Variants in GOLGA6L7 observed in about 807,000 individuals in gnomAD.
The protein encoded by GOLGA6L7 is golgin A6 family like 7.
GOLGA6L7 carries 29 observed loss-of-function variants against 68.9 expected under a neutral mutation model. That is an observed-to-expected ratio of 0.42 (90% CI 0.31 to 0.57). The LOEUF is 0.57. GOLGA6L7 is among the 20% of genes least tolerant of loss of function. The pLI is 0.13. For synonymous variants in GOLGA6L7, 133 were observed against 197.4 expected, an observed-to-expected ratio of 0.67 and a Z score of 2.73; for missense variants, 396 against 588.4, an observed-to-expected ratio of 0.67 and a Z score of 3.38.
chr15:28,847,546 A>G (rs1271502815), intron 1 of GOLGA6L7, among the ~76,000 whole-genome samples: 7 of 152,238 alleles, frequency 4.6e-5, no homozygotes, highest in Non-Finnish European at 8.8e-5. Flanking sequence ...CTCAGGGCAG[A>G]AGGCAGCCTT....
intron 3 of GOLGA6L7, 61 bp from the exon 4 acceptor site, chr15:28,846,011 G>A (rs2141055007): frequency 2.2e-6 from 2 of 906,614 alleles, no homozygotes; most frequent in South Asian, 1.4e-5. Context: ...GGCACAGCAA[G>A]AGACATGCCC....
intron 8 of GOLGA6L7, 55 bp from the exon 9 acceptor site, chr15:28,843,495 C>T (rs1286651567): frequency 2.6e-5 from 12 of 466,644 alleles, no homozygotes; most frequent in Middle Eastern, 3.3e-4. Context: ...TATAAAATAA[C>T]GGTTTTCGTC....
chr15:28,844,430 C>CTT (rs3062970), intron 6 of GOLGA6L7, among the ~76,000 whole-genome samples, 167 bp from the exon 7 acceptor site: 15,153 of 128,578 alleles, frequency 0.12, 1,225 homozygotes, highest in African/African-American at 0.18. Flanking sequence ...TTTTTCTTTT[C>CTT]TTTTTTTTTT....
intron 1 of GOLGA6L7, among the ~76,000 whole-genome samples, chr15:28,847,683 C>T (rs371212867): frequency 2.0e-5 from 3 of 152,378 alleles, no homozygotes; most frequent in East Asian, 3.9e-4. Flanking sequence ...GTGTCTCCCA[C>T]GAGAATCAAG....
intron 6 of GOLGA6L7, chr15:28,845,143 CA>C: frequency 5.1e-6 from 2 of 393,414 alleles, no homozygotes; most frequent in South Asian, 4.2e-5. Flanking sequence ...CACACACACA[CA>C]CACACACACA....
intron 1 of GOLGA6L7, among the ~76,000 whole-genome samples, chr15:28,847,935 G>A (rs1170443362): frequency 3.3e-5 from 5 of 152,366 alleles, no homozygotes; most frequent in South Asian, 2.1e-4. Context: ...TCTCTGGAGA[G>A]TAGAAGCCTG....
chr15:28,845,193 A>G (rs2030378360), intron 6 of GOLGA6L7: 1 of 447,672 alleles, frequency 2.2e-6, no homozygotes, highest in African/African-American at 2.0e-5. Flanking sequence ...CTCTACACAA[A>G]TGGTAACATA....
chr15:28,843,985 G>A, intron 7 of GOLGA6L7, 110 bp from the exon 8 acceptor site: 1 of 613,958 alleles, frequency 1.6e-6, no homozygotes, highest in Non-Finnish European at 2.8e-6. Flanking sequence ...CACTGGAAGG[G>A]ACCCCAGGAA....
intron 1 of GOLGA6L7, among the ~76,000 whole-genome samples, chr15:28,847,903 C>T (rs985254696): frequency 2.9e-4 from 44 of 152,234 alleles, no homozygotes; most frequent in African/African-American, 1.1e-3. Flanking sequence ...AAGTGGAGAA[C>T]TTAGAAAAAA....
chr15:28,842,891 A>ACATCTGCTCCTCCTGCTTTCG lies in GOLGA6L7; in HGVS notation c.1192_1212dup (p.Arg398_Met404dup). The ACATCTGCTCCTCCTGCTTTCG allele has an allele frequency of 4.0e-6, 4 of 993,628 alleles. No individual in the cohort carries two copies. The highest frequency in any genetic ancestry group is 5.5e-5 in the East Asian group (1 of 18,304). The allele number at this position is 993,628 out of a possible 1,614,324, so 61.6% of individuals were successfully genotyped here. On this transcript the variant is annotated inframe_insertion, in exon 9 of 9. Transcript: ENST00000567390. ...TCCCCCATCTGCTCCTCCTGCTTCC[A>ACATCTGCTCCTCCTGCTTTCG]CATCTGCTCCTCCTGCTTTCGCATC... is the stretch of plus-strand genomic sequence containing the variant.
intron 7 of GOLGA6L7, 66 bp downstream of exon 7, chr15:28,844,139 C>A: frequency 2.0e-6 from 1 of 496,058 alleles, no homozygotes; most frequent in South Asian, 3.6e-5. Context: ...CTGTACCCCC[C>A]ACCTCCCAGC....
Position 28,843,867 on chromosome 15 carries a change from T to C in GOLGA6L7, c.530A>G (p.Asn177Ser), listed in dbSNP as rs1430282242. The C allele has an allele frequency of 7.2e-6, 8 of 1,118,606 alleles. No individual in the cohort carries two copies. Among genetic ancestry groups the C allele is most frequent in the Non-Finnish European group, 9.1e-6 (7 of 766,356 alleles). The allele number at this position is 1,118,606 out of a possible 1,614,324, so 69.3% of individuals were successfully genotyped here. The change falls in exon 8 of 9, where the codon AAT becomes AGT. Residue 177 changes from asparagine (N) to serine (S), a missense_variant. Coordinates refer to ENST00000567390, the MANE Select transcript of GOLGA6L7 (RefSeq NM_001365371.2). ...SLELFRNIIT[N>S]KELKEKNAEL... ...GGCATTTTTCTCCTTCAGCTCCTTATTGGTTATGCTATGGCCGGAGGCAGT... is the reference window on the plus strand; with the variant it reads ...GGCATTTTTCTCCTTCAGCTCCTTACTGGTTATGCTATGGCCGGAGGCAGT...
intron 1 of GOLGA6L7, among the ~76,000 whole-genome samples, chr15:28,848,178 G>T (rs1200564501): frequency 1.3e-5 from 2 of 151,996 alleles, no homozygotes; most frequent in Admixed American, 6.5e-5. Context: ...AGGTGCTGGG[G>T]CATCCGGTTC....
intron 6 of GOLGA6L7, chr15:28,845,139 C>T (rs1397788164): frequency 2.6e-6 from 1 of 382,626 alleles, no homozygotes; most frequent in South Asian, 2.1e-5. Context: ...CACACACACA[C>T]ACACACACAC....
intron 6 of GOLGA6L7, 188 bp downstream of exon 6, chr15:28,845,341 C>T (rs1328228979): frequency 1.5e-6 from 1 of 684,266 alleles, no homozygotes; most frequent in African/African-American, 1.8e-5. Context: ...CCCCACAGCG[C>T]CCCGCAACTC....
At position 28,846,975 on chromosome 15, in the gene GOLGA6L7, A is replaced by G. The variant is rs112703247; in HGVS notation, c.180+89T>C. On this transcript the variant is annotated intron_variant, in intron 2 of 8. Transcript: ENST00000567390. Reference sequence around the variant, plus strand: ...AACCCAGAATTCTTAGCCAGTACCCAGCAGTTCTTCCTTCCACAATCTTAA... The same window carrying G: ...AACCCAGAATTCTTAGCCAGTACCCGGCAGTTCTTCCTTCCACAATCTTAA... 0.028 allele frequency: 14,978 copies of G among 528,188 alleles called. 2,310 individuals are homozygous for G. In the African/African-American group the frequency reaches 0.4, roughly 14 times the overall value. The allele number at this position is 528,188 out of a possible 1,614,324, so 32.7% of individuals were successfully genotyped here.
At chr15:28,844,558 G>A (rs1057420055) in intron 6 of GOLGA6L7, among the ~76,000 whole-genome samples, 2 of 150,774 alleles carry the variant, frequency 1.3e-5, no homozygotes, top group African/African-American at 2.5e-5. Flanking sequence ...AGCCTCCTAA[G>A]TAGCTGGGAT....
rs556104397 is a variant in GOLGA6L7, at chr15:28,847,454, G to C, written c.52-262C>G. 5.1e-4 allele frequency among the ~76,000 whole-genome samples: 77 copies of C among 151,854 alleles called. 1 individual carries two copies. In the South Asian group the frequency reaches 0.015, roughly 30 times the overall value. Reference sequence around the variant, plus strand: ...CAGCTGCCAGAGACCAAAACCAGAGGCAGAGGTAGAAAAGTAAAAAGTAGG... The same window carrying C: ...CAGCTGCCAGAGACCAAAACCAGAGCCAGAGGTAGAAAAGTAAAAAGTAGG... On this transcript the variant is annotated intron_variant, in intron 1 of 8. Coordinates refer to ENST00000567390, the MANE Select transcript of GOLGA6L7 (RefSeq NM_001365371.2).
In GOLGA6L7 at chr15:28,846,926, A is replaced by G. The variant is rs1008189203; in HGVS notation, c.180+138T>C. 8.1e-5 allele frequency: 45 copies of G among 558,676 alleles called. 1 individual carries two copies. The highest frequency in any genetic ancestry group is 1.2e-4 in the Non-Finnish European group (41 of 329,950). 34.6% of individuals were successfully genotyped at this position (558,676 alleles called of 1,614,324 possible). A position where few individuals can be genotyped will look rare whatever the true frequency, so the allele number is the denominator to read the frequency against. Reference sequence around the variant, plus strand: ...ATTTTCCCTAAACCGTGTCCCTCGCAGTTGGAGAGAGAAGTAGGACTCAAA... The same window carrying G: ...ATTTTCCCTAAACCGTGTCCCTCGCGGTTGGAGAGAGAAGTAGGACTCAAA... On this transcript the variant is annotated intron_variant, in intron 2 of 8. Transcript: ENST00000567390.
Sources: gnomAD v4.1 joint callset for allele counts (sites outside exome capture counted in the v4.1 genomes callset) on GRCh38, gnomAD v4.1.1 for gene constraint, MANE v1.5 for transcripts, NCBI Gene and HGNC (gene_info 2026-07-23, HGNC 2026-07-21) for gene names.